PRELID2: variants seen among roughly 807,000 people sequenced by gnomAD.
The protein encoded by PRELID2 is PRELI domain-containing protein 2.
In PRELID2, 25 loss-of-function variants were observed where a neutral mutation model predicts 28.4. The ratio of observed to expected loss-of-function variants is 0.88; its 90% confidence interval spans 0.64 to 1.23. The LOEUF (loss-of-function observed/expected upper bound fraction) is 1.23. Ranked by LOEUF, PRELID2 falls within the 50% of genes most tolerant of loss-of-function variation. The pLI is 0.00. For missense variants in PRELID2, 201 were observed against 214.4 expected (o/e 0.94, Z 0.39); for synonymous variants, 76 against 71.6 (o/e 1.06, Z -0.31).
intron 1 of PRELID2, among the ~76,000 whole-genome samples, chr5:145,610,221 C>G (rs10062202): frequency 0.01 from 1,526 of 152,286 alleles, 23 homozygotes; most frequent in African/African-American, 0.034. Context: ...GTTCTACTGA[C>G]TCCACACTGA....
intron 1 of PRELID2, among the ~76,000 whole-genome samples, chr5:145,636,270 C>A (rs546893916): frequency 1.3e-5 from 2 of 152,302 alleles, no homozygotes; most frequent in African/African-American, 4.8e-5. Context: ...TAATCAAACA[C>A]AAATCTGTCT....
At chr5:145,509,931 C>T (rs1037732221) in intron 1 of PRELID2, among the ~76,000 whole-genome samples, 1 of 152,182 alleles carries the variant, frequency 6.6e-6, no homozygotes, top group East Asian at 1.9e-4. Flanking sequence ...AGAAAGTAGG[C>T]ATTTGATAAA....
chr5:145,723,850 C>G (rs1319167156), intron 1 of PRELID2, among the ~76,000 whole-genome samples: 1 of 152,142 alleles, frequency 6.6e-6, no homozygotes, highest in Non-Finnish European at 1.5e-5. Context: ...GAAACTTACC[C>G]TGAATATATA....
chr5:145,456,739 A>T, the PRELID2 span, among the ~76,000 whole-genome samples: 1 of 152,204 alleles, frequency 6.6e-6, no homozygotes, highest in East Asian at 1.9e-4. Context: ...AGGAATCATA[A>T]TTTCAAATTT....
At chr5:145,262,982 A>G in the PRELID2 span, among the ~76,000 whole-genome samples, 7 of 152,188 alleles carry the variant, frequency 4.6e-5, no homozygotes, top group Non-Finnish European at 7.3e-5. Flanking sequence ...ACTTAAGGAT[A>G]AGGGGTGGAA....
intron 6 of PRELID2, among the ~76,000 whole-genome samples, chr5:145,764,472 T>C (rs1757628286): frequency 2.0e-5 from 3 of 152,228 alleles, no homozygotes; most frequent in Non-Finnish European, 2.9e-5. Context: ...TTCAGGCAGT[T>C]ACCCACCATC....
the PRELID2 span, among the ~76,000 whole-genome samples, chr5:145,286,767 G>A: frequency 6.7e-6 from 1 of 148,672 alleles, no homozygotes; most frequent in African/African-American, 2.5e-5. Context: ...TGTAGCCCAG[G>A]CTAGAGTGCA....
At chr5:145,267,888 C>T in the PRELID2 span, among the ~76,000 whole-genome samples, 2 of 152,122 alleles carry the variant, frequency 1.3e-5, no homozygotes, top group Admixed American at 1.3e-4. Flanking sequence ...TTTTGATTTA[C>T]ATTTTCTGAT....
chr5:145,531,522 A>G (rs1433593240), intron 1 of PRELID2, among the ~76,000 whole-genome samples: 1 of 152,186 alleles, frequency 6.6e-6, no homozygotes, highest in African/African-American at 2.4e-5. Context: ...CTCACCCTTC[A>G]CTGAAAGTAT....
At chr5:145,567,060 A>G (rs1752973083) in intron 1 of PRELID2, among the ~76,000 whole-genome samples, 1 of 152,170 alleles carries the variant, frequency 6.6e-6, no homozygotes, top group East Asian at 1.9e-4. Context: ...TATCATTTTC[A>G]TATATGATGT....
intron 1 of PRELID2, among the ~76,000 whole-genome samples, chr5:145,478,873 A>G (rs980932167): frequency 6.6e-6 from 1 of 152,206 alleles, no homozygotes; most frequent in Non-Finnish European, 1.5e-5. Context: ...TGATAACAAA[A>G]TATCAGGTTG....
At chr5:145,781,525 C>T (rs1270704469) in intron 5 of PRELID2, among the ~76,000 whole-genome samples, 1 of 151,050 alleles carries the variant, frequency 6.6e-6, no homozygotes, top group East Asian at 1.9e-4. Context: ...GCACTTAGTC[C>T]ACACAATGTG....
At position 145,757,117 on chromosome 5, in the gene PRELID2, A is replaced by G. The variant is rs1197284729; in HGVS notation, c.*3419T>C. 6.6e-6 allele frequency among the ~76,000 whole-genome samples: 1 copy of G among 152,260 alleles called. No individual in the cohort carries two copies. Among genetic ancestry groups the G allele is most frequent in the Non-Finnish European group, 1.5e-5 (1 of 68,044 alleles). ...AAAGTAAAAAAGATGTGCAAGTTAA[A>G]AGAATAACCTTGAGTTTTCTACACC... On this transcript the variant is annotated 3_prime_UTR_variant, in exon 7 of 7. Coordinates refer to ENST00000683046, the MANE Select transcript of PRELID2 (RefSeq NM_205846.3).
chr5:145,253,818 A>G, the PRELID2 span, among the ~76,000 whole-genome samples: 418 of 151,988 alleles, frequency 2.8e-3, 1 homozygote, highest in Non-Finnish European at 4.4e-3. Flanking sequence ...AGTTGCTAAG[A>G]GAGTGAGATC....
intron 4 of PRELID2, among the ~76,000 whole-genome samples, chr5:145,805,910 A>G (rs1753470381): frequency 6.6e-6 from 1 of 152,220 alleles, no homozygotes; most frequent in Admixed American, 6.5e-5. Context: ...AAGGAACAGT[A>G]AAAGTGCAGT....
chr5:145,718,329 A>G (rs1028856758), intron 1 of PRELID2, among the ~76,000 whole-genome samples: 1 of 151,990 alleles, frequency 6.6e-6, no homozygotes. Context: ...GCAACAAACT[A>G]TGAAATATCT....
At chr5:145,684,978 T>C (rs908944229) in intron 1 of PRELID2, among the ~76,000 whole-genome samples, 2 of 152,170 alleles carry the variant, frequency 1.3e-5, no homozygotes, top group Non-Finnish European at 2.9e-5. Context: ...AGTTGGGCTG[T>C]TGGTCTCTGA....
At chr5:145,729,782 G>T (rs1756284504) in intron 1 of PRELID2, among the ~76,000 whole-genome samples, 1 of 152,172 alleles carries the variant, frequency 6.6e-6, no homozygotes, top group African/African-American at 2.4e-5. Context: ...GGTCGTGGGG[G>T]CAATGAAGTC....
chr5:145,824,235 A>C (rs1377810213), intron 1 of PRELID2, among the ~76,000 whole-genome samples: 1 of 152,160 alleles, frequency 6.6e-6, no homozygotes, highest in Non-Finnish European at 1.5e-5. Context: ...ATGTGATCAA[A>C]TCTGAAAAGA....
Sources: gnomAD v4.1 joint callset for allele counts (sites outside exome capture counted in the v4.1 genomes callset) on GRCh38, gnomAD v4.1.1 for gene constraint, MANE v1.5 for transcripts, NCBI Gene and HGNC (gene_info 2026-07-23, HGNC 2026-07-21) for gene names.